The following IYD variants were observed in gnomAD, a reference collection of about 807,000 sequenced individuals.
IYD encodes the protein iodotyrosine deiodinase 1.
IYD carries 25 observed loss-of-function variants against 28.4 expected under a neutral mutation model. The observed-to-expected ratio is 0.88, with a 90% confidence interval of 0.64 to 1.23. The LOEUF (loss-of-function observed/expected upper bound fraction) is 1.23, where lower values mean the gene tolerates loss of function less well. IYD is among the 50% of genes most tolerant of loss of function. The probability of loss-of-function intolerance (pLI) is 0.00; values close to 1 mark genes in which losing one functional copy is unlikely to be tolerated. For synonymous variants in IYD, 140 were observed against 130.8 expected, an observed-to-expected ratio of 1.07 and a Z score of -0.48; for missense variants, 352 against 357.9, an observed-to-expected ratio of 0.98 and a Z score of 0.13.
intron 2 of IYD, among the ~76,000 whole-genome samples, chr6:150,390,758 G>C (rs1468647463): frequency 6.6e-6 from 1 of 152,176 alleles, no homozygotes; most frequent in Non-Finnish European, 1.5e-5. Context: ...ACGACACCCA[G>C]ATCAGAAGCT....
chr6:150,384,120 T>G (rs1777770710), intron 1 of IYD, among the ~76,000 whole-genome samples: 2 of 152,184 alleles, frequency 1.3e-5, no homozygotes, highest in Admixed American at 1.3e-4. Context: ...ATCTTAAATT[T>G]GTTATTTTAG....
chr6:150,377,592 A>G (rs114418257), intron 1 of IYD, among the ~76,000 whole-genome samples: 19 of 152,296 alleles, frequency 1.2e-4, no homozygotes, highest in African/African-American at 4.3e-4. Flanking sequence ...TAATGAGGTA[A>G]CAGTTTGCTT....
intron 2 of IYD, 85 bp downstream of exon 2, chr6:150,389,628 C>T: frequency 8.3e-7 from 1 of 1,208,800 alleles, no homozygotes; most frequent in Non-Finnish European, 1.2e-6. Context: ...AAAGTTTAAA[C>T]ATAGCGAATA....
Position 150,400,335 on chromosome 6 carries a change from TTC to T in IYD, c.*2099_*2100del, listed in dbSNP as rs1227483789. ...TGGTTCTCACTCTTTGCAGGCACTC[TTC>T]AAATTTTTATTTTAAAAATTATAAT... On this transcript the variant is annotated 3_prime_UTR_variant, in exon 5 of 5. Transcript: ENST00000344419. 1 of 152,256 alleles carries T rather than the reference TTC, an allele frequency of 6.6e-6. No homozygotes were observed. The highest frequency in any genetic ancestry group is 1.5e-5 in the Non-Finnish European group (1 of 68,044). 9.4% of individuals were successfully genotyped at this position (152,256 alleles called of 1,614,324 possible).
Position 150,403,428 on chromosome 6 carries a change from C to A in IYD, c.*5191C>A, listed in dbSNP as rs1778563835. ...TGCCCCACTCAGCCCACAAAATAGG[C>A]TGGACACTCAAAAAACGTTGCGTTT... is the stretch of plus-strand genomic sequence containing the variant. On this transcript the variant is annotated 3_prime_UTR_variant, in exon 5 of 5. Coordinates refer to ENST00000344419, the MANE Select transcript of IYD (RefSeq NM_203395.3). 1 of 152,190 alleles carries A rather than the reference C, an allele frequency of 6.6e-6. No individual in the cohort carries two copies. The highest frequency in any genetic ancestry group is 1.5e-5 in the Non-Finnish European group (1 of 68,024). The allele number at this position is 152,190 out of a possible 1,614,324, so 9.4% of individuals were successfully genotyped here.
At chr6:150,391,078 T>C (rs1778100328) in intron 2 of IYD, among the ~76,000 whole-genome samples, 1 of 151,704 alleles carries the variant, frequency 6.6e-6, no homozygotes, top group Admixed American at 6.6e-5. Flanking sequence ...CTCTACTAAG[T>C]GTAGAAAAAT....
chr6:150,376,354 G>T (rs1251529649), intron 1 of IYD, among the ~76,000 whole-genome samples: 2 of 152,162 alleles, frequency 1.3e-5, no homozygotes, highest in Non-Finnish European at 2.9e-5. Flanking sequence ...TAACCCAGTG[G>T]GGTCCAGATG....
At chr6:150,395,208 G>A (rs1480677923) in intron 4 of IYD, among the ~76,000 whole-genome samples, 1 of 152,026 alleles carries the variant, frequency 6.6e-6, no homozygotes, top group Admixed American at 6.6e-5. Flanking sequence ...ACTGGGGGCT[G>A]GGTAGTGGAT....
intron 1 of IYD, among the ~76,000 whole-genome samples, chr6:150,373,513 C>T: frequency 6.6e-6 from 1 of 152,182 alleles, no homozygotes; most frequent in East Asian, 1.9e-4. Flanking sequence ...CCACCAGTGC[C>T]TGAACTTCAT....
chr6:150,390,896 G>A (rs967966923), intron 2 of IYD, among the ~76,000 whole-genome samples: 7 of 152,152 alleles, frequency 4.6e-5, no homozygotes, highest in South Asian at 2.1e-4. Flanking sequence ...AAGTCCCCCC[G>A]GGAGTAGAAT....
chr6:150,370,077 G>C lies in IYD; in HGVS notation c.178+868G>C, dbSNP rs1401015644. On this transcript the variant is annotated intron_variant, in intron 1 of 4. Transcript: ENST00000344419. ...GTGTTTGAGAAGCTTTGTCTGGGAT[G>C]GGTTCGATTTGGAAGAGGCTCTGTG... 7 of 701,484 alleles carry C rather than the reference G, an allele frequency of 1.0e-5. No homozygotes were observed. The African/African-American group carries it at 1.2e-4, about 12-fold the overall frequency. The allele number at this position is 701,484 out of a possible 1,614,324, so 43.5% of individuals were successfully genotyped here.
chr6:150,388,683 C>CTTTCT (rs777778875), intron 1 of IYD, among the ~76,000 whole-genome samples: 1 of 79,346 alleles, frequency 1.3e-5, no homozygotes, highest in Admixed American at 1.3e-4. Context: ...TTCTTTCTTT[C>CTTTCT]TTCTTTCCTT....
At chr6:150,393,558 T>C (rs973840462) in intron 3 of IYD, among the ~76,000 whole-genome samples, 1 of 152,212 alleles carries the variant, frequency 6.6e-6, no homozygotes, top group Admixed American at 6.5e-5. Flanking sequence ...ATATATGGGA[T>C]TATATGACTC....
intron 1 of IYD, among the ~76,000 whole-genome samples, chr6:150,385,877 T>C (rs1405105057): frequency 1.3e-5 from 2 of 151,958 alleles, no homozygotes; most frequent in South Asian, 2.1e-4. Context: ...TTTAAGAAAT[T>C]TGTCTATTTT....
intron 2 of IYD, among the ~76,000 whole-genome samples, chr6:150,390,445 A>T (rs1444701467): frequency 6.6e-6 from 1 of 152,240 alleles, no homozygotes; most frequent in Admixed American, 6.5e-5. Flanking sequence ...TAGAGATACA[A>T]ATATTTAGTA....
rs1320297279 is a variant in IYD at position 150,404,138 on chromosome 6, C to CT, written c.*5901_*5902insT. On this transcript the variant is annotated 3_prime_UTR_variant, in exon 5 of 5. Transcript: ENST00000344419. ...AACCTCTGCTCATCTGAGTTGTCCA[C>CT]CATATTGTGGGCATGAGTCCTTGAC... 2.0e-5 allele frequency: 3 copies of CT among 152,170 alleles called. No homozygotes were observed. Among genetic ancestry groups the CT allele is most frequent in the African/African-American group, 4.8e-5 (2 of 41,438 alleles). 9.4% of individuals were successfully genotyped at this position (152,170 alleles called of 1,614,324 possible). A position where few individuals can be genotyped will look rare whatever the true frequency, so the allele number is the denominator to read the frequency against.
At chr6:150,382,877 C>A (rs1038201253) in intron 1 of IYD, among the ~76,000 whole-genome samples, 3 of 152,112 alleles carry the variant, frequency 2.0e-5, no homozygotes, top group Non-Finnish European at 4.4e-5. Context: ...ACATAGTAAG[C>A]ATAGTTGTTT....
intron 4 of IYD, 97 bp downstream of exon 4, chr6:150,394,352 A>C: frequency 7.5e-7 from 1 of 1,340,932 alleles, no homozygotes; most frequent in South Asian, 1.2e-5. Context: ...TTTAATCTAA[A>C]GTAGAATTCC....
At chr6:150,370,216 T>TGC (rs1361125118) in intron 1 of IYD, among the ~76,000 whole-genome samples, 2 of 142,318 alleles carry the variant, frequency 1.4e-5, no homozygotes, top group South Asian at 2.2e-4. Flanking sequence ...CATGTGTGTG[T>TGC]GCGCGTGCGT....
Sources: gnomAD v4.1 joint callset for allele counts (sites outside exome capture counted in the v4.1 genomes callset) on GRCh38, gnomAD v4.1.1 for gene constraint, MANE v1.5 for transcripts, NCBI Gene and HGNC (gene_info 2026-07-23, HGNC 2026-07-21) for gene names.